The following DLGAP4 variants were observed in gnomAD, a reference collection of about 807,000 sequenced individuals.
DLGAP4 encodes DLG associated protein 4.
Under a neutral mutation model 86.9 loss-of-function variants are expected in DLGAP4, and 18 were observed. That is an observed-to-expected ratio of 0.21 (90% CI 0.14 to 0.31). DLGAP4 has a LOEUF of 0.31. Ranked by LOEUF, DLGAP4 falls within the 10% of genes least tolerant of loss-of-function variation. The pLI is 1.00. For missense variants in DLGAP4, 1,085 were observed against 1,362.6 expected (o/e 0.80, Z 3.21); for synonymous variants, 548 against 574.3 (o/e 0.95, Z 0.65).
rs2065046346 is a variant in DLGAP4, at chr20:36,310,702, G to A, written c.-304+4190G>A. Among the ~76,000 whole-genome samples the A allele has an allele frequency of 3.3e-5, 5 of 152,278 alleles. No individual in the cohort carries two copies. The East Asian group carries it at 9.6e-4, about 29-fold the overall frequency. ...GGTTTGGATCCAGAGCAAGCCACTG[G>A]GTTTGCTGTAGTGGCTTTGAAGGAC... On this transcript the variant is annotated intron_variant, in intron 1 of 12. Coordinates refer to ENST00000339266, the MANE Select transcript of DLGAP4 (RefSeq NM_001365621.2).
intron 7 of DLGAP4, among the ~76,000 whole-genome samples, chr20:36,457,759 C>T (rs2033916154): frequency 6.6e-6 from 1 of 151,852 alleles, no homozygotes; most frequent in African/African-American, 2.4e-5. Flanking sequence ...TCATGATCCG[C>T]ACACCTTGGC....
intron 2 of DLGAP4, among the ~76,000 whole-genome samples, chr20:36,396,158 C>T (rs948425259): frequency 5.3e-5 from 8 of 151,940 alleles, no homozygotes; most frequent in East Asian, 1.9e-4. Context: ...AGGTCTAGTC[C>T]GAGGTTGACA....
intron 2 of DLGAP4, among the ~76,000 whole-genome samples, chr20:36,371,630 C>T (rs560088802): frequency 2.0e-5 from 3 of 152,224 alleles, no homozygotes; most frequent in South Asian, 2.1e-4. Flanking sequence ...TCCATCACCA[C>T]GGGACCAGTT....
At chr20:36,444,403 C>A (rs2033535274) in intron 6 of DLGAP4, among the ~76,000 whole-genome samples, 1 of 152,144 alleles carries the variant, frequency 6.6e-6, no homozygotes, top group Non-Finnish European at 1.5e-5. Flanking sequence ...CCCACCTCAA[C>A]CTCCCGAGTA....
chr20:36,384,097 C>T (rs1275935533), intron 2 of DLGAP4, among the ~76,000 whole-genome samples: 4 of 151,416 alleles, frequency 2.6e-5, no homozygotes, highest in Admixed American at 2.0e-4. Context: ...TTCATTGCCA[C>T]CTCAGCATGG....
Position 36,479,827 on chromosome 20 carries a change from G to A in DLGAP4, c.1649-16878G>A, listed in dbSNP as rs189319830. The stretch of plus-strand genomic sequence containing the variant: ...GCTGGGCAGGGCAATGAATCTTCCC[G>A]AACTTAGTCCTTGGACAGGATGAGA... On this transcript the variant is annotated intron_variant, in intron 7 of 12. Transcript: ENST00000339266. 8.5e-5 allele frequency among the ~76,000 whole-genome samples: 13 copies of A among 152,212 alleles called. No homozygotes were observed. The East Asian group carries it at 2.5e-3, about 29-fold the overall frequency.
chr20:36,445,747 C>T (rs2033576042), intron 6 of DLGAP4, among the ~76,000 whole-genome samples: 1 of 152,214 alleles, frequency 6.6e-6, no homozygotes, highest in Non-Finnish European at 1.5e-5. Context: ...CTTGTGCCCC[C>T]TCCCGCTGTG....
chr20:36,526,588 G>A (rs923245988), intron 12 of DLGAP4, among the ~76,000 whole-genome samples: 1 of 152,036 alleles, frequency 6.6e-6, no homozygotes, highest in African/African-American at 2.4e-5. Context: ...CCCGCTGCTC[G>A]AGCGCTCTCG....
chr20:36,366,666 T>C (rs2030698349), intron 1 of DLGAP4, among the ~76,000 whole-genome samples: 1 of 152,090 alleles, frequency 6.6e-6, no homozygotes, highest in Non-Finnish European at 1.5e-5. Context: ...GAGCTGGGAT[T>C]TGAACTCAGG....
chr20:36,378,945 T>C (rs751264968), intron 2 of DLGAP4, among the ~76,000 whole-genome samples: 10 of 151,788 alleles, frequency 6.6e-5, no homozygotes, highest in Non-Finnish European at 1.5e-4. Flanking sequence ...ACTGGGGAAG[T>C]GGTTGGAAAA....
At chr20:36,418,077 G>A (rs552621302) in intron 2 of DLGAP4, among the ~76,000 whole-genome samples, 1 of 151,148 alleles carries the variant, frequency 6.6e-6, no homozygotes, top group Admixed American at 6.6e-5. Flanking sequence ...GAGCCACCGC[G>A]CCCGGCCTCA....
At chr20:36,423,311 C>T (rs2032880052) in intron 2 of DLGAP4, among the ~76,000 whole-genome samples, 1 of 151,588 alleles carries the variant, frequency 6.6e-6, no homozygotes, top group Admixed American at 6.6e-5. Context: ...CAAAAATTAG[C>T]CAGGCGTGGT....
intron 2 of DLGAP4, among the ~76,000 whole-genome samples, chr20:36,409,830 G>A (rs1217130520): frequency 2.6e-5 from 4 of 151,812 alleles, no homozygotes; most frequent in Admixed American, 1.3e-4. Flanking sequence ...TCAGGAGATC[G>A]AGACCATCCT....
At chr20:36,313,607 G>T (rs1046064138) in intron 1 of DLGAP4, among the ~76,000 whole-genome samples, 17 of 152,242 alleles carry the variant, frequency 1.1e-4, no homozygotes, top group East Asian at 3.9e-4. Flanking sequence ...CTGCTGCTGG[G>T]GGGGCAGGGC....
At position 36,436,358 on chromosome 20, in the gene DLGAP4, C is replaced by G; in HGVS notation, c.1241+8C>G. 1 of 1,587,656 alleles carries G rather than the reference C, an allele frequency of 6.3e-7. No homozygotes were observed. Among genetic ancestry groups the G allele is most frequent in the East Asian group, 2.3e-5 (1 of 44,420 alleles). ...GCAGAGCAACCCCCGCAGGTAGGCG[C>G]GCAGCTCCACCCTTACGGTCCCGCC... On this transcript the variant is annotated splice_region_variant and intron_variant, in intron 4 of 12. Coordinates refer to ENST00000339266, the MANE Select transcript of DLGAP4 (RefSeq NM_001365621.2).
intron 2 of DLGAP4, among the ~76,000 whole-genome samples, chr20:36,396,616 C>T (rs1170674724): frequency 6.7e-6 from 1 of 149,052 alleles, no homozygotes; most frequent in African/African-American, 2.5e-5. Context: ...ATACACACCA[C>T]AGACACAAAC....
chr20:36,352,329 G>C (rs1463702000), intron 1 of DLGAP4, among the ~76,000 whole-genome samples: 1 of 152,082 alleles, frequency 6.6e-6, no homozygotes, highest in Non-Finnish European at 1.5e-5. Context: ...AGCAGAGACT[G>C]TGTCTCAACA....
intron 2 of DLGAP4, among the ~76,000 whole-genome samples, chr20:36,399,303 G>A (rs916497223): frequency 8.5e-5 from 13 of 152,244 alleles, no homozygotes; most frequent in Non-Finnish European, 1.3e-4. Context: ...TTCCAGTGCT[G>A]ACTACTTCCT....
At chr20:36,403,730 A>G (rs749202924) in intron 2 of DLGAP4, among the ~76,000 whole-genome samples, 14 of 152,240 alleles carry the variant, frequency 9.2e-5, no homozygotes, top group Non-Finnish European at 1.8e-4. Context: ...TCTGTGGATC[A>G]AGAATTTAGG....
Sources: gnomAD v4.1 joint callset for allele counts (sites outside exome capture counted in the v4.1 genomes callset) on GRCh38, gnomAD v4.1.1 for gene constraint, MANE v1.5 for transcripts, NCBI Gene and HGNC (gene_info 2026-07-23, HGNC 2026-07-21) for gene names.